Variants in LMNTD1 observed in about 807,000 individuals in gnomAD.
LMNTD1 encodes lamin tail domain-containing protein 1.
Under a neutral mutation model 50.9 loss-of-function variants are expected in LMNTD1, and 35 were observed. The observed-to-expected ratio is 0.69, with a 90% CI of 0.53 to 0.91. The LOEUF (loss-of-function observed/expected upper bound fraction) is 0.91. LMNTD1 is among the 40% of genes least tolerant of loss of function. LMNTD1 has a pLI of 0.00. For missense variants in LMNTD1, 470 were observed against 475.5 expected (o/e 0.99, Z 0.11); for synonymous variants, 153 against 161.9 (o/e 0.94, Z 0.42).
At chr12:25,524,079 G>C (rs1448735911) in intron 6 of LMNTD1, among the ~76,000 whole-genome samples, 2 of 152,054 alleles carry the variant, frequency 1.3e-5, no homozygotes, top group East Asian at 3.9e-4. Flanking sequence ...AAGTTAGGTG[G>C]GCAAACTCCT....
At chr12:25,568,036 G>A (rs1474115069) in intron 1 of LMNTD1, among the ~76,000 whole-genome samples, 1 of 152,112 alleles carries the variant, frequency 6.6e-6, no homozygotes, top group Non-Finnish European at 1.5e-5. Flanking sequence ...GGGAAAGTTT[G>A]GAACTTCTTA....
chr12:25,593,888 G>A (rs913169702), intron 1 of LMNTD1, among the ~76,000 whole-genome samples: 2 of 151,788 alleles, frequency 1.3e-5, no homozygotes, highest in Non-Finnish European at 2.9e-5. Flanking sequence ...CAAAACTTCA[G>A]GAAACAATGG....
At position 25,617,605 on chromosome 12, in the gene LMNTD1, G is replaced by T. The variant is rs140279993; in HGVS notation, c.58+30889C>A. 7.6e-4 allele frequency among the ~76,000 whole-genome samples: 116 copies of T among 152,204 alleles called. 1 individual carries two copies. Among genetic ancestry groups the T allele is most frequent in the African/African-American group, 2.6e-3 (106 of 41,532 alleles). On this transcript the variant is annotated intron_variant, in intron 1 of 7. Transcript: ENST00000445693. Reference sequence around the variant, plus strand: ...TTTTCTAGAGAGTGAAAATGGGGAAGGGGGGACAAAGAAAAACATTTGAAA... The same window carrying T: ...TTTTCTAGAGAGTGAAAATGGGGAATGGGGGACAAAGAAAAACATTTGAAA...
chr12:25,481,865 TCACACACACACACA>T (rs138084240), intron 9 of LMNTD1, among the ~76,000 whole-genome samples: 1,955 of 132,700 alleles, frequency 0.015, 50 homozygotes, highest in African/African-American at 0.048. Context: ...TATTGCCTCT[TCACACACACACACA>T]CACACACACA....
chr12:25,591,915 G>C (rs1335873133), intron 1 of LMNTD1, among the ~76,000 whole-genome samples: 1 of 151,520 alleles, frequency 6.6e-6, no homozygotes, highest in Non-Finnish European at 1.5e-5. Context: ...TGGTAACCCA[G>C]ATAATTCTTC....
At position 25,549,270 on chromosome 12, in the gene LMNTD1, A is replaced by G. The variant is rs74713971; in HGVS notation, c.310+56T>C. On this transcript the variant is annotated intron_variant, in intron 3 of 9. Coordinates refer to ENST00000458174, the MANE Select transcript of LMNTD1 (RefSeq NM_001145728.2). ...TGACTGAGAGTCATATATGCAATCTATTGAAATATAAGCTTTAAAAGTACT... is the reference window on the plus strand; with the variant it reads ...TGACTGAGAGTCATATATGCAATCTGTTGAAATATAAGCTTTAAAAGTACT... 8.6e-6 allele frequency: 8 copies of G among 927,002 alleles called. No homozygotes were observed. The East Asian group carries it at 2.1e-4, about 24-fold the overall frequency. 57.4% of individuals were successfully genotyped at this position (927,002 alleles called of 1,614,324 possible).
chr12:25,482,003 G>C (rs1938463754), intron 9 of LMNTD1, among the ~76,000 whole-genome samples: 1 of 151,602 alleles, frequency 6.6e-6, no homozygotes, highest in African/African-American at 2.4e-5. Flanking sequence ...CTCTTCAGCA[G>C]TATTTTCCTT....
chr12:25,513,590 C>T (rs11837148), intron 8 of LMNTD1, among the ~76,000 whole-genome samples: 29,700 of 152,112 alleles, frequency 0.2, 3,157 homozygotes, highest in African/African-American at 0.26. Context: ...GAGCTGATAC[C>T]GTGCTACTGC....
rs188669038 is a variant in LMNTD1 at position 25,505,361 on chromosome 12, T to C, written c.1190-1561A>G. 1.7e-4 allele frequency among the ~76,000 whole-genome samples: 26 copies of C among 152,310 alleles called. No homozygotes were observed. In the East Asian group the frequency reaches 2.7e-3, roughly 16 times the overall value. On this transcript the variant is annotated intron_variant, in intron 8 of 9. Transcript: ENST00000458174. ...AATTTAAAACACTTGTTTTGTAATATTGAAATGTTTTGAAATAAAATATCT... is the reference window on the plus strand; with the variant it reads ...AATTTAAAACACTTGTTTTGTAATACTGAAATGTTTTGAAATAAAATATCT...
rs1042534727 is a variant in LMNTD1, at chr12:25,509,938, G to C, written c.1190-6138C>G. On this transcript the variant is annotated intron_variant, in intron 8 of 9. Coordinates refer to ENST00000458174, the MANE Select transcript of LMNTD1 (RefSeq NM_001145728.2). ...GCCAACACCTTGCTTTTAGACTTCTGCCTCAGTATTGTGAGAGAATAAATT... is the reference window on the plus strand; with the variant it reads ...GCCAACACCTTGCTTTTAGACTTCTCCCTCAGTATTGTGAGAGAATAAATT... Among the ~76,000 whole-genome samples, 120 of 152,262 alleles carry C rather than the reference G, an allele frequency of 7.9e-4. 1 individual carries two copies. The highest frequency in any genetic ancestry group is 2.4e-4 in the Non-Finnish European group (16 of 68,014).
At chr12:25,613,121 AC>A (rs1240340355) in intron 1 of LMNTD1, among the ~76,000 whole-genome samples, 1 of 152,226 alleles carries the variant, frequency 6.6e-6, no homozygotes, top group Admixed American at 6.5e-5. Context: ...CTTGATTTCA[AC>A]CCAGTGAGAC....
chr12:25,598,616 A>G (rs1003267065), intron 1 of LMNTD1, among the ~76,000 whole-genome samples: 4 of 151,970 alleles, frequency 2.6e-5, no homozygotes, highest in Admixed American at 6.6e-5. Context: ...AACCAGACTA[A>G]GAAAAAAAGA....
chr12:25,540,982 T>A (rs1943026724), intron 4 of LMNTD1, among the ~76,000 whole-genome samples: 1 of 136,042 alleles, frequency 7.4e-6, no homozygotes, highest in Non-Finnish European at 1.6e-5. Context: ...CACAATTGCT[T>A]CAAAGAGAAT....
intron 4 of LMNTD1, among the ~76,000 whole-genome samples, chr12:25,541,870 T>G (rs1364553406): frequency 6.8e-6 from 1 of 146,086 alleles, no homozygotes; most frequent in Non-Finnish European, 1.5e-5. Flanking sequence ...CAAACAAATT[T>G]ACAAGAAAAA....
At chr12:25,613,584 C>T (rs1329528903) in intron 1 of LMNTD1, among the ~76,000 whole-genome samples, 4 of 152,126 alleles carry the variant, frequency 2.6e-5, no homozygotes, top group African/African-American at 9.7e-5. Context: ...TGTAAATGAG[C>T]CTCATTTGAT....
intron 1 of LMNTD1, among the ~76,000 whole-genome samples, chr12:25,642,013 G>A (rs1207797591): frequency 1.3e-5 from 2 of 152,046 alleles, no homozygotes; most frequent in Non-Finnish European, 2.9e-5. Flanking sequence ...CAACCCAAGA[G>A]TTTTCCTTAC....
At chr12:25,614,527 T>C (rs1245119697) in intron 1 of LMNTD1, among the ~76,000 whole-genome samples, 1 of 152,214 alleles carries the variant, frequency 6.6e-6, no homozygotes, top group Non-Finnish European at 1.5e-5. Flanking sequence ...TACTATCACA[T>C]GCAATAGACT....
At chr12:25,634,412 T>A (rs60880936) in intron 1 of LMNTD1, among the ~76,000 whole-genome samples, 17,864 of 152,108 alleles carry the variant, frequency 0.12, 1,609 homozygotes, top group African/African-American at 0.24. Context: ...ATATCCTTGA[T>A]GAACATAGAT....
intron 4 of LMNTD1, among the ~76,000 whole-genome samples, chr12:25,529,574 T>C (rs2136109350): frequency 6.6e-6 from 1 of 152,314 alleles, no homozygotes; most frequent in South Asian, 2.1e-4. Context: ...CTGCTGATTC[T>C]TCCTCTTTAG....
Sources: allele counts gnomAD v4.1 joint callset (sites outside exome capture counted in the v4.1 genomes callset), GRCh38; gene constraint gnomAD v4.1.1; transcripts MANE v1.5; gene names NCBI Gene and HGNC (gene_info 2026-07-23, HGNC 2026-07-21).